The following P2RX1 variants were observed in gnomAD, a reference collection of about 807,000 sequenced individuals.
P2RX1 encodes purinergic receptor P2X 1, also known as P2X purinoceptor 1.
A neutral mutation model predicts 50.3 loss-of-function variants in P2RX1; 42 were observed. The ratio of observed to expected loss-of-function variants is 0.83; its 90% CI spans 0.65 to 1.08. The LOEUF is 1.08. Among genes scored for constraint, P2RX1 ranks in the 50% least tolerant of loss-of-function variants. The pLI is 0.00. For synonymous variants in P2RX1, 199 were observed against 202.6 expected, an observed-to-expected ratio of 0.98 and a Z score of 0.15; for missense variants, 449 against 529.0, an observed-to-expected ratio of 0.85 and a Z score of 1.48.
intron 8 of P2RX1, 54 bp downstream of exon 8, chr17:3,899,580 G>A (rs2143961017): frequency 6.2e-7 from 1 of 1,606,328 alleles, no homozygotes; most frequent in South Asian, 1.1e-5. Context: ...TCTGGGAGTA[G>A]AAAAGCCCGC....
At position 3,904,369 on chromosome 17, in the gene P2RX1, T is replaced by C; in HGVS notation, c.388A>G (p.Ser130Gly). The stretch of plus-strand genomic sequence containing the variant: ...TTGGCCTTCCCAGGGGTACAGCCAC[T>C]GTCTTCCTTGCATATGCCCCCTTCT... ...HPEGGICKED[S>G]GCTPGKAKRK... Residue 130 changes from serine to glycine, a missense_variant, in exon 4 of 12, where the codon AGT becomes GGT. Ser to Gly is a moderately conservative substitution (Grantham distance 56, BLOSUM62 0). Coordinates refer to ENST00000225538, the MANE Select transcript of P2RX1 (RefSeq NM_002558.4). The C allele has an allele frequency of 6.2e-7, 1 of 1,614,064 alleles. No individual in the cohort carries two copies. Among genetic ancestry groups the C allele is most frequent in the South Asian group, 1.1e-5 (1 of 91,074 alleles).
chr17:3,909,678 C>T (rs1310446135), intron 1 of P2RX1, among the ~76,000 whole-genome samples: 4 of 152,122 alleles, frequency 2.6e-5, no homozygotes, highest in Non-Finnish European at 1.5e-5. Flanking sequence ...AACACGCTGT[C>T]TCTACTAAAA....
chr17:3,915,203 G>A, intron 1 of P2RX1: 1 of 341,814 alleles, frequency 2.9e-6, no homozygotes, highest in Admixed American at 4.1e-5. Context: ...CCTCTGCAGA[G>A]TCACTGTGAG....
chr17:3,906,843 C>T (rs773280402), intron 1 of P2RX1, among the ~76,000 whole-genome samples: 48 of 152,186 alleles, frequency 3.2e-4, no homozygotes, highest in Non-Finnish European at 5.4e-4. Flanking sequence ...GTAACAGTGA[C>T]GGGTCTAAGG....
Position 3,903,769 on chromosome 17 carries a change from C to T in P2RX1, c.525-138G>A. 1 of 1,121,132 alleles carries T rather than the reference C, an allele frequency of 8.9e-7. No individual in the cohort carries two copies. 69.4% of individuals were successfully genotyped at this position (1,121,132 alleles called of 1,614,324 possible). On this transcript the variant is annotated intron_variant, in intron 5 of 11. Transcript: ENST00000225538. The surrounding 1 kb of genome is among the most constrained non-coding windows in gnomAD (Gnocchi z 4.6). ...CTGGGCTGGTGGAGGGGTGGGTGTGCTCTAGCGTGGCCAGGACCCAGGGGA... is the reference window on the plus strand; with the variant it reads ...CTGGGCTGGTGGAGGGGTGGGTGTGTTCTAGCGTGGCCAGGACCCAGGGGA...
intron 1 of P2RX1, among the ~76,000 whole-genome samples, chr17:3,908,932 C>T (rs1049690170): frequency 6.6e-6 from 1 of 152,202 alleles, no homozygotes; most frequent in Admixed American, 6.5e-5. Flanking sequence ...ACCTCAAAGG[C>T]GCTGCTTATT....
Position 3,916,093 on chromosome 17 carries a change from TGACGTA to T in P2RX1, c.127_132del (p.Tyr43_Val44del), listed in dbSNP as rs1374719141. The stretch of plus-strand genomic sequence containing the variant: ...GCGGGAGGCGCCCGGACTCACCCGA[TGACGTA>T]GACCAGGACCACCAGCTGGATCAGT... On this transcript the variant is annotated inframe_deletion, in exon 1 of 12. Transcript: ENST00000225538. 6.2e-7 allele frequency: 1 copy of T among 1,613,380 alleles called. No individual in the cohort carries two copies. The highest frequency in any genetic ancestry group is 2.2e-5 in the East Asian group (1 of 44,852).
chr17:3,903,085 C>G lies in P2RX1; in HGVS notation c.747+117G>C. 1 of 1,404,842 alleles carries G rather than the reference C, an allele frequency of 7.1e-7. No individual in the cohort carries two copies. Among genetic ancestry groups the G allele is most frequent in the Non-Finnish European group, 9.8e-7 (1 of 1,017,014 alleles). The allele number at this position is 1,404,842 out of a possible 1,614,324, so 87.0% of individuals were successfully genotyped here. ...GGGGCCCCAGTATCAGGGGACAGAC[C>G]CATACATATACTCAGCCCTCACCGA... On this transcript the variant is annotated intron_variant, in intron 7 of 11. Transcript: ENST00000225538. This position sits in a 1 kb window ranked among gnomAD's most constrained non-coding sequence, Gnocchi z 4.6.
intron 1 of P2RX1, 87 bp from the exon 2 acceptor site, chr17:3,905,454 C>T (rs1421083488): frequency 6.8e-7 from 1 of 1,466,754 alleles, no homozygotes; most frequent in African/African-American, 1.4e-5. Context: ...CCAGATGTGC[C>T]TCTGAGCCAC....
chr17:3,904,372 C>A lies in P2RX1; in HGVS notation c.385G>T (p.Asp129Tyr). ...GCCTTCCCAGGGGTACAGCCACTGT[C>A]TTCCTTGCATATGCCCCCTTCTGGG... Reference protein sequence around the residue: ...EHPEGGICKEDSGCTPGKAKR... With the variant: ...EHPEGGICKEYSGCTPGKAKR... Residue 129 changes from aspartate to tyrosine, a missense_variant, in exon 4 of 12, where the codon GAC (aspartate) becomes TAC (tyrosine). By Grantham distance (160) the Asp-to-Tyr change is radical. Transcript: ENST00000225538. 6.2e-7 allele frequency: 1 copy of A among 1,614,038 alleles called. No individual in the cohort carries two copies. The highest frequency in any genetic ancestry group is 8.5e-7 in the Non-Finnish European group (1 of 1,179,958).
chr17:3,904,228 G>A, intron 4 of P2RX1, 102 bp downstream of exon 4: 1 of 1,225,712 alleles, frequency 8.2e-7, no homozygotes, highest in Non-Finnish European at 1.2e-6. Context: ...CGCCTCGGCG[G>A]GAGGGGTGTG....
At chr17:3,907,668 T>C (rs1268751946) in intron 1 of P2RX1, among the ~76,000 whole-genome samples, 1 of 152,202 alleles carries the variant, frequency 6.6e-6, no homozygotes, top group African/African-American at 2.4e-5. Flanking sequence ...AGCCTAAGCT[T>C]GGTCACTGCT....
rs575537937 is a variant in P2RX1 at position 3,897,736 on chromosome 17, C to T, written c.*78G>A. The T allele has an allele frequency of 2.9e-6, 4 of 1,376,062 alleles. No individual in the cohort carries two copies. In the East Asian group the frequency reaches 9.6e-5, roughly 33 times the overall value. 85.2% of individuals were successfully genotyped at this position (1,376,062 alleles called of 1,614,324 possible). A position where few individuals can be genotyped will look rare whatever the true frequency, so the allele number is the denominator to read the frequency against. ...GGTAGGAGACTTCCTGGGGAGGCCC[C>T]TCTGCCCTGGCTGGGACCCACCAGG... is the stretch of plus-strand genomic sequence containing the variant. On this transcript the variant is annotated 3_prime_UTR_variant, in exon 12 of 12. Transcript: ENST00000225538.
In P2RX1 at chr17:3,897,800, T is replaced by A. The variant is rs1441700868; in HGVS notation, c.*14A>T. The A allele has an allele frequency of 1.9e-6, 3 of 1,611,266 alleles. No homozygotes were observed. The highest frequency in any genetic ancestry group is 2.5e-6 in the Non-Finnish European group (3 of 1,179,384). ...GCCTCACGCTGCACCCAGTCAGGAGTTGGGGCCCGAGCATCAGGATGTCCT... is the reference window on the plus strand; with the variant it reads ...GCCTCACGCTGCACCCAGTCAGGAGATGGGGCCCGAGCATCAGGATGTCCT... On this transcript the variant is annotated 3_prime_UTR_variant, in exon 12 of 12. Coordinates refer to ENST00000225538, the MANE Select transcript of P2RX1 (RefSeq NM_002558.4).
At position 3,899,151 on chromosome 17, in the gene P2RX1, A is replaced by G. The variant is rs528005711; in HGVS notation, c.876-127T>C. On this transcript the variant is annotated intron_variant, in intron 8 of 11. Coordinates refer to ENST00000225538, the MANE Select transcript of P2RX1 (RefSeq NM_002558.4). ...TACAGCCTCATCCCCAACACCGGGC[A>G]GGATCCCAGGCCTCATTCTGGGAAA... 9.6e-6 allele frequency: 7 copies of G among 726,234 alleles called. No homozygotes were observed. The Admixed American group carries it at 1.2e-4, about 12-fold the overall frequency. The allele number at this position is 726,234 out of a possible 1,614,324, so 45.0% of individuals were successfully genotyped here. A position where few individuals can be genotyped will look rare whatever the true frequency, so the allele number is the denominator to read the frequency against.
rs114417874 is a variant in P2RX1, at chr17:3,914,727, G to A, written c.137+1362C>T. Among the ~76,000 whole-genome samples, 1,526 of 152,312 alleles carry A rather than the reference G, an allele frequency of 0.01. 21 individuals are homozygous for A. The highest frequency in any genetic ancestry group is 0.035 in the African/African-American group (1,456 of 41,554). On this transcript the variant is annotated intron_variant, in intron 1 of 11. Coordinates refer to ENST00000225538, the MANE Select transcript of P2RX1 (RefSeq NM_002558.4). This position sits in a 1 kb window ranked among gnomAD's most constrained non-coding sequence, Gnocchi z 4.1. ...TGATGGTGAGGAAGGAGAAGGCACA[G>A]CAGAGGCCTGGGGGTCAGGAGGGCT... is the stretch of plus-strand genomic sequence containing the variant.
At chr17:3,904,583 G>A (rs1177244920) in intron 3 of P2RX1, 184 bp from the exon 4 acceptor site, 5 of 661,298 alleles carry the variant, frequency 7.6e-6, no homozygotes, top group East Asian at 5.5e-5. Context: ...GGCGCCCCCC[G>A]GGCTCATGCC....
In P2RX1 at chr17:3,911,886, T is replaced by C. The variant is rs533934044; in HGVS notation, c.137+4203A>G. On this transcript the variant is annotated intron_variant, in intron 1 of 11. Coordinates refer to ENST00000225538, the MANE Select transcript of P2RX1 (RefSeq NM_002558.4). Reference sequence around the variant, plus strand: ...AGGCTCCTCCAATCAGGGCATTCCGTTTCCTTGACTGCAATGATTGATTGG... The same window carrying C: ...AGGCTCCTCCAATCAGGGCATTCCGCTTCCTTGACTGCAATGATTGATTGG... 1.9e-3 allele frequency among the ~76,000 whole-genome samples: 294 copies of C among 152,318 alleles called. 3 individuals are homozygous for C. The highest frequency in any genetic ancestry group is 0.017 in the South Asian group (80 of 4,828).
Position 3,904,842 on chromosome 17 carries a change from G to A in P2RX1, c.357+16C>T, listed in dbSNP as rs200559906. 3.2e-6 allele frequency: 5 copies of A among 1,580,664 alleles called. No individual in the cohort carries two copies. The highest frequency in any genetic ancestry group is 1.3e-5 in the African/African-American group (1 of 74,798). ...CTGTGAGTCCCAGAAGGGGGCTGGC[G>A]GGCAGAAGTCCTCACCTCTGCGCAG... On this transcript the variant is annotated intron_variant, in intron 3 of 11. Coordinates refer to ENST00000225538, the MANE Select transcript of P2RX1 (RefSeq NM_002558.4).
Sources: gnomAD v4.1 joint callset for allele counts (sites outside exome capture counted in the v4.1 genomes callset) on GRCh38, gnomAD v4.1.1 for gene constraint, Gnocchi (gnomAD v3.1) non-coding constraint, MANE v1.5 for transcripts, NCBI Gene and HGNC (gene_info 2026-07-23, HGNC 2026-07-21) for gene names.